Variants in ILDR1 observed in about 807,000 individuals in gnomAD.
ILDR1 encodes the protein immunoglobulin like domain containing receptor 1, also known as immunoglobulin-like domain-containing receptor 1.
ILDR1 carries 56 observed loss-of-function variants against 62.4 expected under a neutral mutation model. The ratio of observed to expected loss-of-function variants is 0.90; its 90% CI spans 0.72 to 1.12. ILDR1 has a LOEUF of 1.12. Ranked by LOEUF, ILDR1 falls within the 50% of genes most tolerant of loss-of-function variation. The probability of loss-of-function intolerance (pLI) is 0.00; values close to 1 mark genes in which losing one functional copy is unlikely to be tolerated. For missense variants in ILDR1, 736 were observed against 710.6 expected (o/e 1.04, Z -0.41); for synonymous variants, 284 against 277.8 (o/e 1.02, Z -0.22).
chr3:122,029,742 G>T, the ILDR1 span, among the ~76,000 whole-genome samples: 1 of 151,792 alleles, frequency 6.6e-6, no homozygotes, highest in Non-Finnish European at 1.5e-5. Flanking sequence ...TGTATCTTTG[G>T]CATATTTTAT....
At position 121,988,073 on chromosome 3, in the gene ILDR1, T is replaced by G; in HGVS notation, c.*294A>C. ...GACTACAAGTGCATGCCACCACACC[T>G]AACTAATTTTTATATTTTTTGTAGA... On this transcript the variant is annotated 3_prime_UTR_variant, in exon 8 of 8. Coordinates refer to ENST00000344209, the MANE Select transcript of ILDR1 (RefSeq NM_001199799.2). 2.3e-6 allele frequency: 1 copy of G among 428,634 alleles called. No homozygotes were observed. Among genetic ancestry groups the G allele is most frequent in the South Asian group, 1.9e-5 (1 of 51,284 alleles). 26.6% of individuals were successfully genotyped at this position (428,634 alleles called of 1,614,324 possible).
At chr3:122,056,524 G>C in the ILDR1 span, among the ~76,000 whole-genome samples, 1 of 151,948 alleles carries the variant, frequency 6.6e-6, no homozygotes, top group African/African-American at 2.4e-5. Context: ...TGGTAGAGAC[G>C]GGGTCCACCA....
intron 5 of ILDR1, among the ~76,000 whole-genome samples, chr3:121,999,322 C>T (rs894408059): frequency 6.6e-6 from 1 of 152,042 alleles, no homozygotes; most frequent in Non-Finnish European, 1.5e-5. Context: ...TTATTTAGAT[C>T]ATCTGGAAGA....
chr3:122,001,386 A>T lies in ILDR1; in HGVS notation c.568T>A (p.Cys190Ser). 1 of 1,614,152 alleles carries T rather than the reference A, an allele frequency of 6.2e-7. No homozygotes were observed. Among genetic ancestry groups the T allele is most frequent in the Non-Finnish European group, 8.5e-7 (1 of 1,180,000 alleles). ...CAGCAATACTGAGGACAGCACTGGC[A>T]CCAGCACACTCCAATCAGCAGCAGG... ...LLLLLIGVCWCQCCPQYCCCY... is the reference protein window; with the variant it reads ...LLLLLIGVCWSQCCPQYCCCY... The change falls in exon 5 of 8, where the codon TGC becomes AGC. Residue 190 changes from cysteine to serine, a missense_variant. Coordinates refer to ENST00000344209, the MANE Select transcript of ILDR1 (RefSeq NM_001199799.2).
At chr3:122,010,207 G>C (rs746873924) in intron 1 of ILDR1, among the ~76,000 whole-genome samples, 1 of 152,170 alleles carries the variant, frequency 6.6e-6, no homozygotes, top group East Asian at 1.9e-4. Context: ...TGTGTCTCCA[G>C]CTTTATGGAA....
At chr3:122,023,234 C>A (rs573736149), upstream of ILDR1, among the ~76,000 whole-genome samples, 13 of 151,888 alleles carry the variant, frequency 8.6e-5, no homozygotes, top group South Asian at 2.3e-3. Flanking sequence ...CACTGAGAAG[C>A]CACTCACAGA....
chr3:121,991,020 T>C (rs910122156), intron 7 of ILDR1, among the ~76,000 whole-genome samples: 6 of 152,078 alleles, frequency 3.9e-5, no homozygotes, highest in African/African-American at 1.4e-4. Flanking sequence ...GCCAACATGG[T>C]GAAACCCCAT....
intron 5 of ILDR1, among the ~76,000 whole-genome samples, chr3:122,000,319 G>T (rs1327162387): frequency 6.6e-6 from 1 of 151,546 alleles, no homozygotes; most frequent in Non-Finnish European, 1.5e-5. Context: ...GGGGAGAGTG[G>T]CTGAAGGTGA....
chr3:122,032,116 C>G, the ILDR1 span, among the ~76,000 whole-genome samples: 1 of 152,144 alleles, frequency 6.6e-6, no homozygotes, highest in South Asian at 2.1e-4. Flanking sequence ...CTCTTGTAAC[C>G]CTGCTTAATT....
the ILDR1 span, among the ~76,000 whole-genome samples, chr3:122,038,215 C>T: frequency 6.6e-6 from 1 of 152,116 alleles, no homozygotes; most frequent in African/African-American, 2.4e-5. Flanking sequence ...CTCTAATAAA[C>T]CAAGTAAAAT....
rs773329358 is a variant in ILDR1 at position 121,994,242 on chromosome 3, A to G, written c.718T>C (p.Trp240Arg). 1.3e-6 allele frequency: 2 copies of G among 1,536,054 alleles called. No homozygotes were observed. Among genetic ancestry groups the G allele is most frequent in the South Asian group, 1.2e-5 (1 of 84,054 alleles). ...GPQMMGKPLYWGADRSSQVSS... is the reference protein window; with the variant it reads ...GPQMMGKPLYRGADRSSQVSS... ...ACCTGGGAGCTCCTGTCCGCCCCCC[A>G]GTACAGGGGTTTTCCCATCATCTGA... The change falls in exon 6 of 8, where the codon TGG becomes CGG. Residue 240 changes from tryptophan (W) to arginine (R), a missense_variant. Coordinates refer to ENST00000344209, the MANE Select transcript of ILDR1 (RefSeq NM_001199799.2).
chr3:122,022,600 G>A (rs1356938192), upstream of ILDR1, among the ~76,000 whole-genome samples: 2 of 152,134 alleles, frequency 1.3e-5, no homozygotes, highest in African/African-American at 4.8e-5. Context: ...CGTAATGTCT[G>A]TTCAGATTTT....
chr3:122,029,935 T>C, the ILDR1 span, among the ~76,000 whole-genome samples: 2 of 152,234 alleles, frequency 1.3e-5, no homozygotes, highest in Non-Finnish European at 2.9e-5. Context: ...TTCTTTTCAC[T>C]TCTGGCATTC....
chr3:121,993,573 T>G lies in ILDR1; in HGVS notation c.1176A>C (p.Arg392Ser), dbSNP rs373563420. 4.3e-6 allele frequency: 7 copies of G among 1,614,104 alleles called. No individual in the cohort carries two copies. Among genetic ancestry groups the G allele is most frequent in the East Asian group, 2.2e-5 (1 of 44,894 alleles). Residue 392 changes from arginine to serine, a missense_variant, in exon 7 of 8, where the codon AGA (arginine) becomes AGC (serine). Physicochemically the swap from Arg to Ser is moderately radical, Grantham distance 110. Coordinates refer to ENST00000344209, the MANE Select transcript of ILDR1 (RefSeq NM_001199799.2). The part of the protein sequence containing the change: ...DRGPKSWALE[R>S]RELDPSWSGR... ...CACTCCACGATGGGTCCAACTCCCT[T>G]CTTTCCAATGCCCAAGACTTTGGCC...
rs2071322195 is a variant in ILDR1, at chr3:121,990,227, T to A, written c.1600-1819A>T. Among the ~76,000 whole-genome samples the A allele has an allele frequency of 2.6e-5, 4 of 152,222 alleles. No homozygotes were observed. The South Asian group carries it at 8.3e-4, about 32-fold the overall frequency. ...ACAGCAAGACTTTGGCCCTGCAGACTTTGCCTCAGTAAATGCATTCAAAAT... is the reference window on the plus strand; with the variant it reads ...ACAGCAAGACTTTGGCCCTGCAGACATTGCCTCAGTAAATGCATTCAAAAT... On this transcript the variant is annotated intron_variant, in intron 7 of 7. Transcript: ENST00000344209.
At chr3:122,048,073 C>T in the ILDR1 span, among the ~76,000 whole-genome samples, 1 of 152,232 alleles carries the variant, frequency 6.6e-6, no homozygotes, top group Non-Finnish European at 1.5e-5. Flanking sequence ...AAGTGTGATG[C>T]TAGCAGTGGG....
the ILDR1 span, among the ~76,000 whole-genome samples, chr3:122,051,327 A>T: frequency 6.6e-6 from 1 of 151,856 alleles, no homozygotes; most frequent in African/African-American, 2.4e-5. Context: ...TGCTATTTTT[A>T]TTGTTCCTTT....
Position 122,022,213 on chromosome 3 carries a change from G to T in ILDR1, c.-136C>A. The T allele has an allele frequency of 1.3e-6, 1 of 756,730 alleles. No homozygotes were observed. Among genetic ancestry groups the T allele is most frequent in the Non-Finnish European group, 2.1e-6 (1 of 475,212 alleles). The allele number at this position is 756,730 out of a possible 1,614,324, so 46.9% of individuals were successfully genotyped here. ...CCCCTCCCTCGGCGCAGCGGGGAGG[G>T]AGCGTCCGCTCTGGTCCCGGGGCAG... On this transcript the variant is annotated 5_prime_UTR_variant, in exon 1 of 8. Coordinates refer to ENST00000344209, the MANE Select transcript of ILDR1 (RefSeq NM_001199799.2).
rs764242801 is a variant in ILDR1, at chr3:122,022,116, G to C, written c.-39C>G. The C allele has an allele frequency of 1.9e-6, 3 of 1,550,556 alleles. No homozygotes were observed. The highest frequency in any genetic ancestry group is 1.8e-5 in the Admixed American group (1 of 54,474). On this transcript the variant is annotated 5_prime_UTR_variant, in exon 1 of 8. Coordinates refer to ENST00000344209, the MANE Select transcript of ILDR1 (RefSeq NM_001199799.2). ...TGGCCCTTTTCAGCTCAGGGGCTTC[G>C]GGGCACTGCGTCTTTCTTCCTCAGC...
Sources: gnomAD v4.1 joint callset for allele counts (sites outside exome capture counted in the v4.1 genomes callset) on GRCh38, gnomAD v4.1.1 for gene constraint, MANE v1.5 for transcripts, NCBI Gene and HGNC (gene_info 2026-07-23, HGNC 2026-07-21) for gene names.